Variants in SNTB1 observed in about 807,000 individuals in gnomAD.
The protein encoded by SNTB1 is beta-1-syntrophin.
In SNTB1, 36 loss-of-function variants were observed where a neutral mutation model predicts 48.9. The observed-to-expected ratio is 0.74, with a 90% CI of 0.56 to 0.97. The LOEUF (loss-of-function observed/expected upper bound fraction) is 0.97, where lower values mean the gene tolerates loss of function less well. Ranked by LOEUF, SNTB1 falls within the 50% of genes least tolerant of loss-of-function variation. The probability of loss-of-function intolerance (pLI) is 0.00; values close to 1 mark genes in which losing one functional copy is unlikely to be tolerated. For synonymous variants in SNTB1, 299 were observed against 294.6 expected (o/e 1.01, Z -0.15); for missense variants, 786 against 703.4 (o/e 1.12, Z -1.33).
At chr8:120,806,175 A>AT (rs2130189950) in intron 1 of SNTB1, among the ~76,000 whole-genome samples, 1 of 152,322 alleles carries the variant, frequency 6.6e-6, no homozygotes, top group Admixed American at 6.5e-5. Context: ...TCCCTCCAGA[A>AT]TGGCAGTTCA....
Position 120,790,641 on chromosome 8 carries a change from AAAAAT to A in SNTB1, c.571+20627_571+20631del, listed in dbSNP as rs1207545737. Among the ~76,000 whole-genome samples, 11 of 151,988 alleles carry A rather than the reference AAAAAT, an allele frequency of 7.2e-5. No individual in the cohort carries two copies. In the South Asian group the frequency reaches 1.5e-3, roughly 20 times the overall value. On this transcript the variant is annotated intron_variant, in intron 1 of 6. Transcript: ENST00000517992. ...GAACACAATTCCTTTTACAATAGCA[AAAAAT>A]AAAATAAAATAAAATACTTAGGAAT...
chr8:120,640,607 A>G (rs1817175734), intron 2 of SNTB1, among the ~76,000 whole-genome samples: 1 of 152,182 alleles, frequency 6.6e-6, no homozygotes, highest in Non-Finnish European at 1.5e-5. Context: ...GAATTTTGCC[A>G]AAGGCCTTTT....
chr8:120,690,694 ACT>A (rs1193755211), intron 2 of SNTB1, among the ~76,000 whole-genome samples: 4 of 151,982 alleles, frequency 2.6e-5, no homozygotes, highest in African/African-American at 9.7e-5. Flanking sequence ...TTTTAAAATC[ACT>A]CTGTTAGATG....
chr8:120,750,454 AAC>A (rs1461158086), intron 1 of SNTB1, among the ~76,000 whole-genome samples: 1 of 152,124 alleles, frequency 6.6e-6, no homozygotes, highest in Non-Finnish European at 1.5e-5. Context: ...TTATGTTGAT[AAC>A]ACACAAAATT....
chr8:120,590,878 G>A (rs906563611), intron 3 of SNTB1, among the ~76,000 whole-genome samples: 14 of 151,668 alleles, frequency 9.2e-5, no homozygotes, highest in African/African-American at 3.4e-4. Context: ...GTAGAGACGG[G>A]GTTTCACCAT....
intron 1 of SNTB1, among the ~76,000 whole-genome samples, chr8:120,714,398 T>C (rs542652887): frequency 1.3e-5 from 2 of 152,146 alleles, no homozygotes; most frequent in African/African-American, 2.4e-5. Context: ...AGGATACAAA[T>C]ACTCCATTTC....
chr8:120,725,482 C>T (rs930184915), intron 1 of SNTB1, among the ~76,000 whole-genome samples: 7 of 152,172 alleles, frequency 4.6e-5, no homozygotes, highest in African/African-American at 1.7e-4. Context: ...GGAAAGGAAG[C>T]ACGAGGTTTT....
At chr8:120,638,062 T>C (rs1817113137) in intron 2 of SNTB1, 1 of 156,782 alleles carries the variant, frequency 6.4e-6, no homozygotes, top group Admixed American at 6.5e-5. Context: ...CTTATTATCA[T>C]CTACAATAAT....
chr8:120,606,348 T>C (rs887493884), intron 3 of SNTB1, among the ~76,000 whole-genome samples: 5 of 142,436 alleles, frequency 3.5e-5, no homozygotes, highest in African/African-American at 5.0e-5. Context: ...TGATATACTT[T>C]ATAAATATAG....
At chr8:120,753,720 G>T (rs1038436535) in intron 1 of SNTB1, among the ~76,000 whole-genome samples, 11 of 152,170 alleles carry the variant, frequency 7.2e-5, no homozygotes, top group African/African-American at 2.7e-4. Context: ...ACAACGATCA[G>T]ATCAAATTCT....
At chr8:120,755,133 G>C (rs1819290934) in intron 1 of SNTB1, among the ~76,000 whole-genome samples, 1 of 140,252 alleles carries the variant, frequency 7.1e-6, no homozygotes, top group Non-Finnish European at 1.5e-5. Context: ...TCTAAGCTAT[G>C]CTGTGGTGTT....
chr8:120,755,385 G>T (rs1276294482), intron 1 of SNTB1, among the ~76,000 whole-genome samples: 1 of 152,118 alleles, frequency 6.6e-6, no homozygotes, highest in Non-Finnish European at 1.5e-5. Context: ...GTGGCTTGGG[G>T]ATTTCAGAGG....
chr8:120,644,608 T>C (rs1406378537), intron 2 of SNTB1, among the ~76,000 whole-genome samples: 5 of 152,184 alleles, frequency 3.3e-5, no homozygotes, highest in Non-Finnish European at 5.9e-5. Context: ...TTGTGAATAA[T>C]GTCGCAATAA....
intron 1 of SNTB1, among the ~76,000 whole-genome samples, chr8:120,716,257 G>A (rs1818556356): frequency 6.6e-6 from 1 of 152,206 alleles, no homozygotes; most frequent in South Asian, 2.1e-4. Flanking sequence ...AATATATTCT[G>A]TGCAGAGTTC....
At chr8:120,550,742 T>A (rs1815467470) in intron 4 of SNTB1, among the ~76,000 whole-genome samples, 1 of 152,090 alleles carries the variant, frequency 6.6e-6, no homozygotes, top group Non-Finnish European at 1.5e-5. Flanking sequence ...GAGAAGCTGC[T>A]AGAGGATTCA....
intron 2 of SNTB1, among the ~76,000 whole-genome samples, chr8:120,660,361 A>G (rs1375356601): frequency 6.6e-6 from 1 of 152,216 alleles, no homozygotes; most frequent in Non-Finnish European, 1.5e-5. Flanking sequence ...CTCCTACATC[A>G]GCACTTGTTT....
At chr8:120,781,881 C>T (rs1819835102) in intron 1 of SNTB1, among the ~76,000 whole-genome samples, 1 of 152,162 alleles carries the variant, frequency 6.6e-6, no homozygotes, top group African/African-American at 2.4e-5. Flanking sequence ...ATGGGAGAGA[C>T]CATATCATTC....
intron 4 of SNTB1, among the ~76,000 whole-genome samples, chr8:120,563,848 G>C (rs1236615291): frequency 6.6e-6 from 1 of 151,994 alleles, no homozygotes; most frequent in African/African-American, 2.4e-5. Context: ...GGTGGCTCAC[G>C]TCTGTAATCT....
chr8:120,601,498 C>A (rs1359073466), intron 3 of SNTB1, among the ~76,000 whole-genome samples: 4 of 152,114 alleles, frequency 2.6e-5, no homozygotes, highest in Non-Finnish European at 5.9e-5. Context: ...TTCACCATAT[C>A]CTTCGTGCTA....
Sources: gnomAD v4.1 joint callset for allele counts (sites outside exome capture counted in the v4.1 genomes callset) on GRCh38, gnomAD v4.1.1 for gene constraint, MANE v1.5 for transcripts, NCBI Gene and HGNC (gene_info 2026-07-23, HGNC 2026-07-21) for gene names.